Variants in CHD6 observed in about 807,000 individuals in gnomAD.
The protein encoded by CHD6 is ATP-dependent chromatin remodeler CHD6.
A neutral mutation model predicts 276.9 loss-of-function variants in CHD6; 50 were observed. The ratio of observed to expected loss-of-function variants is 0.18; its 90% CI spans 0.14 to 0.23. The LOEUF (loss-of-function observed/expected upper bound fraction) is 0.23. Among genes scored for constraint, CHD6 ranks in the 10% least tolerant of loss-of-function variants. The pLI is 1.00. For synonymous variants in CHD6, 1,173 were observed against 1,229.3 expected, an observed-to-expected ratio of 0.95 and a Z score of 0.96; for missense variants, 2,564 against 3,365.8, an observed-to-expected ratio of 0.76 and a Z score of 5.89.
At chr20:41,532,061 T>C (rs2044698760) in intron 3 of CHD6, among the ~76,000 whole-genome samples, 1 of 152,200 alleles carries the variant, frequency 6.6e-6, no homozygotes, top group Non-Finnish European at 1.5e-5. Flanking sequence ...ATTCTAAATA[T>C]AAAGTTCTCC....
chr20:41,440,045 G>A lies in CHD6; in HGVS notation c.3962C>T (p.Ser1321Phe), dbSNP rs1486870294. 6.2e-7 allele frequency: 1 copy of A among 1,613,924 alleles called. No individual in the cohort carries two copies. The highest frequency in any genetic ancestry group is 8.5e-7 in the Non-Finnish European group (1 of 1,179,940). Reference sequence around the variant, plus strand: ...CCCATCTGTAACACCCTGTTCTGCAGAAAGGGACTTCTCATCGGGCATCCC... The same window carrying A: ...CCCATCTGTAACACCCTGTTCTGCAAAAAGGGACTTCTCATCGGGCATCCC... ...KVGMPDEKSL[S>F]AEQGVTDGTS... Residue 1321 changes from serine to phenylalanine, a missense_variant, in exon 26 of 37, where the codon TCT (serine) becomes TTT (phenylalanine). By Grantham distance (155) the Ser-to-Phe change is radical. Coordinates refer to ENST00000373233, the MANE Select transcript of CHD6 (RefSeq NM_032221.5).
intron 5 of CHD6, among the ~76,000 whole-genome samples, chr20:41,505,372 C>A (rs2043952294): frequency 6.6e-6 from 1 of 152,090 alleles, no homozygotes; most frequent in Admixed American, 6.5e-5. Flanking sequence ...TTGGGGATTT[C>A]TTTAGTTTCC....
At chr20:41,426,860 GA>G (rs1237463315) in intron 27 of CHD6, among the ~76,000 whole-genome samples, 1 of 152,194 alleles carries the variant, frequency 6.6e-6, no homozygotes, top group African/African-American at 2.4e-5. Flanking sequence ...GTGGGAATCT[GA>G]GGGGTAACAG....
intron 17 of CHD6, among the ~76,000 whole-genome samples, chr20:41,470,937 T>C (rs1372904836): frequency 6.6e-6 from 1 of 152,222 alleles, no homozygotes; most frequent in Non-Finnish European, 1.5e-5. Context: ...AGCCGAGGTG[T>C]CCTCAAACTG....
chr20:41,532,943 C>T, intron 3 of CHD6, 107 bp downstream of exon 3: 1 of 1,284,948 alleles, frequency 7.8e-7, no homozygotes, highest in Non-Finnish European at 1.1e-6. Context: ...AAGCTTAGGC[C>T]CACAGGAGTG....
chr20:41,497,776 C>T (rs1306024224), intron 7 of CHD6: 3 of 488,380 alleles, frequency 6.1e-6, no homozygotes, highest in Admixed American at 6.7e-5. Flanking sequence ...TTATCATTAA[C>T]ACACATTAGT....
At position 41,605,786 on chromosome 20, in the gene CHD6, A is replaced by C. The variant is rs369354260; in HGVS notation, c.-24+12554T>G. On this transcript the variant is annotated intron_variant, in intron 1 of 36. Transcript: ENST00000373233. Reference sequence around the variant, plus strand: ...AATTGACAAAATTTCATCTCTATCTACTTTCATTCCTAAAGAAGATTCTAT... The same window carrying C: ...AATTGACAAAATTTCATCTCTATCTCCTTTCATTCCTAAAGAAGATTCTAT... Among the ~76,000 whole-genome samples the C allele has an allele frequency of 1.1e-4, 16 of 152,354 alleles. 1 individual carries two copies. The South Asian group carries it at 2.9e-3, about 28-fold the overall frequency.
intron 8 of CHD6, 93 bp from the exon 9 acceptor site, chr20:41,494,037 G>A: frequency 1.2e-6 from 1 of 810,598 alleles, no homozygotes; most frequent in Non-Finnish European, 2.0e-6. Context: ...CCTACTCTAG[G>A]CCCTATCAAC....
intron 17 of CHD6, among the ~76,000 whole-genome samples, chr20:41,461,533 TTCC>T (rs2048547886): frequency 6.6e-6 from 1 of 152,216 alleles, no homozygotes; most frequent in Non-Finnish European, 1.5e-5. Flanking sequence ...CTTTTGCTTC[TTCC>T]TCATTTTCTC....
chr20:41,452,363 G>T lies in CHD6; in HGVS notation c.3324-338C>A, dbSNP rs2048264038. 1.3e-5 allele frequency among the ~76,000 whole-genome samples: 2 copies of T among 152,226 alleles called. No homozygotes were observed. Among genetic ancestry groups the T allele is most frequent in the African/African-American group, 4.8e-5 (2 of 41,456 alleles). On this transcript the variant is annotated intron_variant, in intron 21 of 36. Transcript: ENST00000373233. This position sits in a 1 kb window ranked among gnomAD's most constrained non-coding sequence, Gnocchi z 4.2. ...AAGCAATGATGAGCTCATGGCAGCT[G>T]AACCTTTGATTTCTACCAGAGCCAA...
chr20:41,515,317 G>A (rs879569079), intron 3 of CHD6, among the ~76,000 whole-genome samples: 3 of 152,158 alleles, frequency 2.0e-5, no homozygotes, highest in Non-Finnish European at 2.9e-5. Context: ...TTCTTAGGAA[G>A]AGACATCTCC....
At chr20:41,487,523 C>A (rs1253017695) in intron 14 of CHD6, 142 bp downstream of exon 14, 5 of 822,096 alleles carry the variant, frequency 6.1e-6, no homozygotes, top group Non-Finnish European at 7.6e-6. Context: ...CCAACATACA[C>A]AAACACATAA....
At chr20:41,602,725 T>A (rs1487961275) in intron 1 of CHD6, among the ~76,000 whole-genome samples, 1 of 152,194 alleles carries the variant, frequency 6.6e-6, no homozygotes, top group Non-Finnish European at 1.5e-5. Flanking sequence ...GTAAAACTTT[T>A]TTTGGAGACA....
chr20:41,576,278 A>G (rs1006209717), intron 1 of CHD6, among the ~76,000 whole-genome samples: 30 of 152,376 alleles, frequency 2.0e-4, no homozygotes, highest in Admixed American at 6.5e-4. Flanking sequence ...TGTAAACAGA[A>G]TAAGTAAAAG....
intron 1 of CHD6, among the ~76,000 whole-genome samples, chr20:41,599,713 G>C (rs188313535): frequency 5.9e-4 from 90 of 152,274 alleles, no homozygotes; most frequent in Middle Eastern, 6.9e-3. Flanking sequence ...AGCTTCCTTC[G>C]TCTTTCTCTC....
chr20:41,493,495 T>C, intron 10 of CHD6, 43 bp downstream of exon 10: 1 of 1,591,224 alleles, frequency 6.3e-7, no homozygotes. Flanking sequence ...TTCATAAAAT[T>C]ACATGTTCCG....
At chr20:41,488,668 C>T (rs2043475790) in intron 12 of CHD6, 64 bp from the exon 13 acceptor site, 4 of 1,460,900 alleles carry the variant, frequency 2.7e-6, no homozygotes, top group South Asian at 1.3e-5. Flanking sequence ...CTAATATCTG[C>T]TGGACTACAG....
chr20:41,507,143 T>C lies in CHD6; in HGVS notation c.852+5703A>G, dbSNP rs141344298. ...CACTCAAAGGAACAAAGTTCTCTTC[T>C]TTACTACTAGACTGCTTCAAATATT... On this transcript the variant is annotated intron_variant, in intron 5 of 36. Transcript: ENST00000373233. Among the ~76,000 whole-genome samples, 962 of 152,346 alleles carry C rather than the reference T, an allele frequency of 6.3e-3. 9 individuals carry two copies. The highest frequency in any genetic ancestry group is 0.024 in the Middle Eastern group (7 of 294).
At chr20:41,434,662 G>A (rs111629947) in intron 27 of CHD6, among the ~76,000 whole-genome samples, 7,296 of 152,224 alleles carry the variant, frequency 0.048, 241 homozygotes, top group Non-Finnish European at 0.079. Flanking sequence ...GAGTCACCGC[G>A]CCTGGCAAGA....
Sources: allele counts gnomAD v4.1 joint callset (sites outside exome capture counted in the v4.1 genomes callset), GRCh38; gene constraint gnomAD v4.1.1; non-coding constraint Gnocchi (gnomAD v3.1); transcripts MANE v1.5; gene names NCBI Gene and HGNC (gene_info 2026-07-23, HGNC 2026-07-21).